The following PRKN variants were observed in gnomAD, a reference collection of about 807,000 sequenced individuals.
PRKN encodes the protein parkin RBR E3 ubiquitin protein ligase.
In PRKN, 56 loss-of-function variants were observed where a neutral mutation model predicts 59.5. The observed-to-expected ratio is 0.94, with a 90% CI of 0.76 to 1.18. The LOEUF is 1.18. Among genes scored for constraint, PRKN ranks in the 50% most tolerant of loss-of-function variants. The probability of loss-of-function intolerance (pLI) is 0.00; values close to 1 mark genes in which losing one functional copy is unlikely to be tolerated. For missense variants in PRKN, 657 were observed against 596.4 expected (o/e 1.10, Z -1.06); for synonymous variants, 250 against 222.1 (o/e 1.13, Z -1.12).
Position 161,407,166 on chromosome 6 carries a change from CAG to C in PRKN, c.1084-20291_1084-20290del, listed in dbSNP as rs1469190410. Among the ~76,000 whole-genome samples, 40 of 152,150 alleles carry C rather than the reference CAG, an allele frequency of 2.6e-4. No individual in the cohort carries two copies. The highest frequency in any genetic ancestry group is 6.8e-3 in the Middle Eastern group (2 of 294). On this transcript the variant is annotated intron_variant, in intron 9 of 11. Transcript: ENST00000366898. This position sits in a 1 kb window ranked among gnomAD's most constrained non-coding sequence, Gnocchi z 4.9. ...ATAAATATGGTTTCACAATTTTTTA[CAG>C]AGTCATAATCTACATGGAAAACAAA...
At chr6:161,785,636 A>C in intron 7 of PRKN, 136 bp downstream of exon 7, 1 of 864,628 alleles carries the variant, frequency 1.2e-6, no homozygotes, top group Admixed American at 2.0e-5. Context: ...CCAAACATTA[A>C]TGTTTCATAT....
At chr6:161,392,890 AG>A (rs753492053) in intron 9 of PRKN, among the ~76,000 whole-genome samples, 21 of 152,262 alleles carry the variant, frequency 1.4e-4, no homozygotes, top group Non-Finnish European at 2.2e-4. Context: ...ATATGTGTTG[AG>A]TATTTACTTT....
chr6:161,829,255 A>C (rs1388735291), intron 6 of PRKN, among the ~76,000 whole-genome samples: 1 of 152,142 alleles, frequency 6.6e-6, no homozygotes, highest in Admixed American at 6.5e-5. Flanking sequence ...CAAAAACAAA[A>C]AAAACAATAA....
intron 1 of PRKN, among the ~76,000 whole-genome samples, chr6:162,627,753 T>G (rs1782952250): frequency 6.6e-6 from 1 of 152,142 alleles, no homozygotes; most frequent in South Asian, 2.1e-4. Context: ...TAAGGAACTG[T>G]TTGGGCATAT....
chr6:162,643,938 T>TA lies in PRKN; in HGVS notation c.7+83723_7+83724insT, dbSNP rs1306437250. Reference sequence around the variant, plus strand: ...AGTCAGCAACACTGTCTGCAGCAGATTATTAAGTAAAACCATATATAGAAA... The same window carrying TA: ...AGTCAGCAACACTGTCTGCAGCAGATATATTAAGTAAAACCATATATAGAAA... On this transcript the variant is annotated intron_variant, in intron 1 of 11. Transcript: ENST00000366898. The TA allele has an allele frequency of 3.3e-5, 5 of 152,314 alleles. No individual in the cohort carries two copies. In the East Asian group the frequency reaches 9.6e-4, roughly 29 times the overall value. 9.4% of individuals were successfully genotyped at this position (152,314 alleles called of 1,614,324 possible). A position where few individuals can be genotyped will look rare whatever the true frequency, so the allele number is the denominator to read the frequency against.
At chr6:162,671,017 T>C (rs922552968) in intron 1 of PRKN, among the ~76,000 whole-genome samples, 2 of 152,176 alleles carry the variant, frequency 1.3e-5, no homozygotes, top group Non-Finnish European at 2.9e-5. Flanking sequence ...ATATATAAAA[T>C]GGCATTTTGA....
rs1470012167 is a variant in PRKN, at chr6:161,566,791, C to T, written c.933+2564G>A. ...TGCTCTGTCCTCCTCCCCTCCCCTCCACCAGTCACACTTGTTTCTGGACTA... is the reference window on the plus strand; with the variant it reads ...TGCTCTGTCCTCCTCCCCTCCCCTCTACCAGTCACACTTGTTTCTGGACTA... On this transcript the variant is annotated intron_variant, in intron 8 of 11. Coordinates refer to ENST00000366898, the MANE Select transcript of PRKN (RefSeq NM_004562.3). This position sits in a 1 kb window ranked among gnomAD's most constrained non-coding sequence, Gnocchi z 4.1. Among the ~76,000 whole-genome samples, 1 of 152,144 alleles carries T rather than the reference C, an allele frequency of 6.6e-6. No individual in the cohort carries two copies.
intron 5 of PRKN, among the ~76,000 whole-genome samples, chr6:162,044,635 G>A (rs1784186905): frequency 6.6e-6 from 1 of 152,184 alleles, no homozygotes; most frequent in Non-Finnish European, 1.5e-5. Flanking sequence ...GGAGCTGAGT[G>A]GGCAGTCTGG....
At chr6:162,713,599 T>C (rs183724736) in intron 1 of PRKN, among the ~76,000 whole-genome samples, 76 of 152,030 alleles carry the variant, frequency 5.0e-4, no homozygotes, top group Admixed American at 3.4e-3. Context: ...AATATCATAG[T>C]GTTATATCCC....
At chr6:162,448,398 T>A (rs963069616) in intron 1 of PRKN, among the ~76,000 whole-genome samples, 1 of 152,138 alleles carries the variant, frequency 6.6e-6, no homozygotes, top group Non-Finnish European at 1.5e-5. Flanking sequence ...CTGGTCTCCA[T>A]TTCTTTATTT....
intron 1 of PRKN, among the ~76,000 whole-genome samples, chr6:162,697,997 G>T (rs1284544040): frequency 6.6e-6 from 1 of 152,156 alleles, no homozygotes; most frequent in African/African-American, 2.4e-5. Context: ...AAGCTGCCTT[G>T]CCTGTTTCCC....
chr6:161,970,485 C>CA (rs1780761267), intron 6 of PRKN, among the ~76,000 whole-genome samples: 3 of 150,790 alleles, frequency 2.0e-5, no homozygotes, highest in South Asian at 2.1e-4. Flanking sequence ...CAAGATATTG[C>CA]AAAAAAATTA....
intron 3 of PRKN, among the ~76,000 whole-genome samples, chr6:162,203,952 T>C (rs1447401148): frequency 3.3e-5 from 5 of 152,168 alleles, no homozygotes; most frequent in Admixed American, 3.3e-4. Flanking sequence ...TTGTAATTCA[T>C]CACTTGCAGA....
intron 6 of PRKN, among the ~76,000 whole-genome samples, chr6:161,842,363 T>C (rs1793021894): frequency 6.6e-6 from 1 of 151,500 alleles, no homozygotes; most frequent in Non-Finnish European, 1.5e-5. Context: ...TCCCAGCTAC[T>C]TGGGAGGCTG....
chr6:161,960,042 G>T (rs747006540), intron 6 of PRKN, among the ~76,000 whole-genome samples: 3 of 152,150 alleles, frequency 2.0e-5, no homozygotes, highest in Non-Finnish European at 4.4e-5. Flanking sequence ...TGGGGTATAT[G>T]ATCCTAAACT....
Position 162,054,570 on chromosome 6 carries a change from C to T in PRKN, c.535-396G>A, listed in dbSNP as rs1391946523. On this transcript the variant is annotated intron_variant, in intron 4 of 11. Coordinates refer to ENST00000366898, the MANE Select transcript of PRKN (RefSeq NM_004562.3). ...CCCACCCAACCCCACCATGCAGTGG[C>T]CCAGCACAGAGCAAGGGCTGTCTGT... 3.9e-5 allele frequency among the ~76,000 whole-genome samples: 6 copies of T among 152,254 alleles called. No individual in the cohort carries two copies. In the East Asian group the frequency reaches 1.2e-3, roughly 29 times the overall value.
chr6:161,855,619 T>C (rs190002824), intron 6 of PRKN, among the ~76,000 whole-genome samples: 17 of 152,250 alleles, frequency 1.1e-4, no homozygotes, highest in Admixed American at 9.2e-4. Context: ...TGTTATGCTA[T>C]AGGGTAAGCT....
intron 1 of PRKN, among the ~76,000 whole-genome samples, chr6:162,568,005 T>C (rs1457451144): frequency 6.6e-6 from 1 of 152,090 alleles, no homozygotes; most frequent in East Asian, 1.9e-4. Flanking sequence ...GCCAAGAACA[T>C]ACACTGGGAA....
Position 162,048,584 on chromosome 6 carries a change from C to T in PRKN, c.618+5507G>A, listed in dbSNP as rs183763303. Among the ~76,000 whole-genome samples, 736 of 152,236 alleles carry T rather than the reference C, an allele frequency of 4.8e-3. 7 individuals carry two copies. The highest frequency in any genetic ancestry group is 0.017 in the African/African-American group (687 of 41,544). On this transcript the variant is annotated intron_variant, in intron 5 of 11. Coordinates refer to ENST00000366898, the MANE Select transcript of PRKN (RefSeq NM_004562.3). ...AGAGAAACACACATCCCCCAGTACA[C>T]ATACAAACACAAATTATTGTTTTAA... is the stretch of plus-strand genomic sequence containing the variant.
Sources: gnomAD v4.1 joint callset for allele counts (sites outside exome capture counted in the v4.1 genomes callset) on GRCh38, gnomAD v4.1.1 for gene constraint, Gnocchi (gnomAD v3.1) non-coding constraint, MANE v1.5 for transcripts, NCBI Gene and HGNC (gene_info 2026-07-23, HGNC 2026-07-21) for gene names.